The following NTN1 variants were observed in gnomAD, a reference collection of about 807,000 sequenced individuals.
NTN1 encodes netrin 1.
In NTN1, 11 loss-of-function variants were observed where a neutral mutation model predicts 54.2. The observed-to-expected ratio is 0.20, with a 90% CI of 0.13 to 0.34. NTN1 has a LOEUF of 0.34. Among genes scored for constraint, NTN1 ranks in the 10% least tolerant of loss-of-function variants. NTN1 has a pLI of 1.00. For missense variants in NTN1, 740 were observed against 893.1 expected (o/e 0.83, Z 2.18); for synonymous variants, 371 against 382.0 (o/e 0.97, Z 0.33).
chr17:9,117,272 A>T (rs1193073997), intron 2 of NTN1, among the ~76,000 whole-genome samples: 2 of 152,198 alleles, frequency 1.3e-5, no homozygotes, highest in African/African-American at 4.8e-5. Context: ...GGCAGGGGCC[A>T]CAGACTGGAG....
chr17:9,188,431 A>G (rs1288799979), intron 5 of NTN1, among the ~76,000 whole-genome samples: 3 of 78,228 alleles, frequency 3.8e-5, no homozygotes, highest in Non-Finnish European at 5.0e-5. Flanking sequence ...TCCATCTCAA[A>G]AAAAAAAAAA....
At chr17:9,222,072 C>T (rs1209983765) in intron 6 of NTN1, among the ~76,000 whole-genome samples, 1 of 152,228 alleles carries the variant, frequency 6.6e-6, no homozygotes, top group Non-Finnish European at 1.5e-5. Context: ...GCTGAGGCCC[C>T]CACCATAGGC....
At chr17:9,142,310 A>G (rs929078947) in intron 2 of NTN1, among the ~76,000 whole-genome samples, 4 of 136,132 alleles carry the variant, frequency 2.9e-5, no homozygotes, top group African/African-American at 7.4e-5. Context: ...AAAAAAAAGA[A>G]AAAAACCAAA....
the NTN1 span, among the ~76,000 whole-genome samples, chr17:9,004,366 C>T: frequency 6.6e-6 from 1 of 152,276 alleles, no homozygotes; most frequent in East Asian, 1.9e-4. Context: ...GCCCCGTCGC[C>T]CTCGCGGCCT....
rs540543798 is a variant in NTN1, at chr17:9,186,261, G to A, written c.1411+3292G>A. ...GTGAAGTTGGGAGAGGTGCATGACT[G>A]GCCCTCAGAGCCCTTGGCAGCTGAT... On this transcript the variant is annotated intron_variant, in intron 5 of 6. Coordinates refer to ENST00000173229, the MANE Select transcript of NTN1 (RefSeq NM_004822.3). Among the ~76,000 whole-genome samples, 4 of 152,344 alleles carry A rather than the reference G, an allele frequency of 2.6e-5. No individual in the cohort carries two copies. The South Asian group carries it at 8.3e-4, about 32-fold the overall frequency.
chr17:9,036,768 G>A (rs1054570939), intron 2 of NTN1, among the ~76,000 whole-genome samples: 6 of 152,042 alleles, frequency 3.9e-5, no homozygotes, highest in East Asian at 1.9e-4. Context: ...CTTCCTTAAC[G>A]AACTCACCCC....
intron 6 of NTN1, among the ~76,000 whole-genome samples, chr17:9,237,853 C>T (rs571102944): frequency 6.6e-6 from 1 of 152,182 alleles, no homozygotes; most frequent in South Asian, 2.1e-4. Flanking sequence ...GGGCTCCCCC[C>T]ACCCAGAGTT....
At chr17:9,228,444 C>T (rs910587290) in intron 6 of NTN1, among the ~76,000 whole-genome samples, 2 of 152,160 alleles carry the variant, frequency 1.3e-5, no homozygotes, top group Non-Finnish European at 2.9e-5. Flanking sequence ...ACTCTGACCC[C>T]TCCAGCTCAC....
chr17:9,037,428 G>C (rs2091906879), intron 2 of NTN1, among the ~76,000 whole-genome samples: 1 of 152,018 alleles, frequency 6.6e-6, no homozygotes, highest in Admixed American at 6.6e-5. Context: ...ATCTTTATTT[G>C]GGATTTCGTG....
chr17:9,178,087 C>G (rs1005907219), intron 3 of NTN1, among the ~76,000 whole-genome samples: 33 of 152,308 alleles, frequency 2.2e-4, no homozygotes, highest in Non-Finnish European at 7.4e-5. Context: ...ATCCCAGCTA[C>G]TCGGGAAGCT....
chr17:9,125,084 CAG>C (rs2092242412), intron 2 of NTN1, among the ~76,000 whole-genome samples: 1 of 152,236 alleles, frequency 6.6e-6, no homozygotes, highest in African/African-American at 2.4e-5. Flanking sequence ...TTTTTTAAGA[CAG>C]AGTCTCACTC....
At chr17:9,173,421 G>T (rs1187062126) in intron 3 of NTN1, 1 of 152,622 alleles carries the variant, frequency 6.6e-6, no homozygotes, top group East Asian at 1.9e-4. Context: ...ATGGGGACCT[G>T]GGGAGCCTCT....
intron 2 of NTN1, among the ~76,000 whole-genome samples, chr17:9,109,938 C>T (rs1259048387): frequency 6.6e-6 from 1 of 152,158 alleles, no homozygotes; most frequent in Non-Finnish European, 1.5e-5. Context: ...ATATTCATAG[C>T]TAGTGTGTGT....
the NTN1 span, among the ~76,000 whole-genome samples, chr17:9,014,401 G>A: frequency 6.6e-6 from 1 of 152,120 alleles, no homozygotes; most frequent in Admixed American, 6.5e-5. Flanking sequence ...ACTATACATT[G>A]AACATCCATC....
intron 2 of NTN1, among the ~76,000 whole-genome samples, chr17:9,126,990 C>G (rs929170738): frequency 7.1e-6 from 1 of 140,352 alleles, no homozygotes; most frequent in Non-Finnish European, 1.5e-5. Context: ...ATAGGGCAGC[C>G]GTGCATGGAT....
In NTN1 at chr17:9,221,146, C is replaced by G. The variant is rs777732536; in HGVS notation, c.1412-22C>G. 2 of 1,457,196 alleles carry G rather than the reference C, an allele frequency of 1.4e-6. No individual in the cohort carries two copies. The highest frequency in any genetic ancestry group is 1.9e-6 in the Non-Finnish European group (2 of 1,063,168). The allele number at this position is 1,457,196 out of a possible 1,614,324, so 90.3% of individuals were successfully genotyped here. A position where few individuals can be genotyped will look rare whatever the true frequency, so the allele number is the denominator to read the frequency against. On this transcript the variant is annotated intron_variant, in intron 5 of 6. Coordinates refer to ENST00000173229, the MANE Select transcript of NTN1 (RefSeq NM_004822.3). This position sits in a 1 kb window ranked among gnomAD's most constrained non-coding sequence, Gnocchi z 4.5. ...CCAGCCTAATTAGTTTTTGTCTGTGCTCCCCCCCCACCCCCCTGCAGACTG... is the reference window on the plus strand; with the variant it reads ...CCAGCCTAATTAGTTTTTGTCTGTGGTCCCCCCCCACCCCCCTGCAGACTG...
At chr17:9,191,408 C>T (rs1166909939) in intron 5 of NTN1, among the ~76,000 whole-genome samples, 4 of 152,128 alleles carry the variant, frequency 2.6e-5, no homozygotes, top group South Asian at 2.1e-4. Flanking sequence ...TGCGGTGAGC[C>T]GAGATGGTGC....
chr17:9,191,392 G>T (rs569181914), intron 5 of NTN1, among the ~76,000 whole-genome samples: 1 of 152,314 alleles, frequency 6.6e-6, no homozygotes, highest in South Asian at 2.1e-4. Flanking sequence ...CCTGGGAGGC[G>T]GAGGTTGCGG....
At chr17:9,160,471 A>C (rs1331381525) in intron 2 of NTN1, among the ~76,000 whole-genome samples, 1 of 152,210 alleles carries the variant, frequency 6.6e-6, no homozygotes, top group Non-Finnish European at 1.5e-5. Flanking sequence ...TTATGAAAAA[A>C]AACCCCCACA....
Sources: allele counts gnomAD v4.1 joint callset (sites outside exome capture counted in the v4.1 genomes callset), GRCh38; gene constraint gnomAD v4.1.1; non-coding constraint Gnocchi (gnomAD v3.1); transcripts MANE v1.5; gene names NCBI Gene and HGNC (gene_info 2026-07-23, HGNC 2026-07-21).